The following GRM8 variants were observed in gnomAD, a reference collection of about 807,000 sequenced individuals.
GRM8 encodes the protein glutamate metabotropic receptor 8.
Under a neutral mutation model 87.2 loss-of-function variants are expected in GRM8, and 47 were observed. The observed-to-expected ratio is 0.54, with a 90% CI of 0.43 to 0.69. The LOEUF is 0.69. GRM8 is among the 30% of genes least tolerant of loss of function. The pLI, the probability that GRM8 is intolerant of heterozygous loss-of-function variation, is 0.00. For synonymous variants in GRM8, 396 were observed against 404.5 expected, an observed-to-expected ratio of 0.98 and a Z score of 0.25; for missense variants, 1,019 against 1,139.2, an observed-to-expected ratio of 0.89 and a Z score of 1.52.
rs1268890858 is a variant in GRM8 at position 126,714,319 on chromosome 7, AT to A, written c.1357+55545del. ...AATAATAATAATAATAATAATAATA[AT>A]AATAAATAGTATCTACCTACAAAGT... On this transcript the variant is annotated intron_variant, in intron 7 of 10. Transcript: ENST00000339582. Among the ~76,000 whole-genome samples, 59 of 148,234 alleles carry A rather than the reference AT, an allele frequency of 4.0e-4. No individual in the cohort carries two copies. In the East Asian group the frequency reaches 5.1e-3, roughly 13 times the overall value.
At chr7:126,560,436 G>A (rs1793581101) in intron 8 of GRM8, among the ~76,000 whole-genome samples, 1 of 151,982 alleles carries the variant, frequency 6.6e-6, no homozygotes, top group Non-Finnish European at 1.5e-5. Flanking sequence ...GCAGCAGGGG[G>A]GAATGCTTTT....
At chr7:126,854,756 C>T (rs73723512) in intron 6 of GRM8, among the ~76,000 whole-genome samples, 3,352 of 152,256 alleles carry the variant, frequency 0.022, 131 homozygotes, top group African/African-American at 0.077. Flanking sequence ...AAACCATTAC[C>T]TACCTTGCAT....
intron 3 of GRM8, among the ~76,000 whole-genome samples, chr7:127,050,255 G>A (rs1819333034): frequency 1.3e-5 from 2 of 152,134 alleles, no homozygotes; most frequent in Admixed American, 1.3e-4. Context: ...AGTCAACAGG[G>A]ACTGACTGTG....
At chr7:127,128,414 C>A in intron 2 of GRM8, among the ~76,000 whole-genome samples, 1 of 152,070 alleles carries the variant, frequency 6.6e-6, no homozygotes, top group South Asian at 2.1e-4. Flanking sequence ...CAAGCTGAGT[C>A]ATTTTATTTA....
chr7:126,861,175 A>G (rs750575927), intron 6 of GRM8, among the ~76,000 whole-genome samples: 21 of 152,098 alleles, frequency 1.4e-4, no homozygotes, highest in Non-Finnish European at 1.3e-4. Flanking sequence ...TTCCCTATCC[A>G]TATTTTTATT....
intron 9 of GRM8, among the ~76,000 whole-genome samples, chr7:126,516,657 C>A (rs747868857): frequency 2.0e-5 from 3 of 151,904 alleles, no homozygotes; most frequent in Non-Finnish European, 4.4e-5. Context: ...TTACATGGCA[C>A]CACTTTAAAT....
chr7:126,740,728 TTCC>T (rs1170617490), intron 7 of GRM8, among the ~76,000 whole-genome samples: 1 of 152,156 alleles, frequency 6.6e-6, no homozygotes, highest in African/African-American at 2.4e-5. Context: ...TGCTGAGAGA[TTCC>T]TCTTTCCACA....
At chr7:127,101,072 T>C (rs972277392) in intron 3 of GRM8, among the ~76,000 whole-genome samples, 2 of 152,204 alleles carry the variant, frequency 1.3e-5, no homozygotes, top group African/African-American at 4.8e-5. Context: ...CTGTTTATGG[T>C]ACCTGCCTTT....
chr7:126,925,356 T>A (rs2131389836), intron 3 of GRM8, among the ~76,000 whole-genome samples: 1 of 152,330 alleles, frequency 6.6e-6, no homozygotes, highest in East Asian at 1.9e-4. Flanking sequence ...GCTGCACATG[T>A]GTTCTATTAT....
At chr7:126,785,905 C>T (rs962786451) in intron 6 of GRM8, among the ~76,000 whole-genome samples, 2 of 152,098 alleles carry the variant, frequency 1.3e-5, no homozygotes, top group Non-Finnish European at 2.9e-5. Flanking sequence ...TTTAGCTGGA[C>T]ACAATCTTAT....
At chr7:126,591,998 T>G (rs766653321) in intron 8 of GRM8, among the ~76,000 whole-genome samples, 1 of 150,690 alleles carries the variant, frequency 6.6e-6, no homozygotes, top group Non-Finnish European at 1.5e-5. Flanking sequence ...ATAGAAAAAC[T>G]CAGAAAAAAA....
chr7:126,607,117 A>T (rs1466348142), intron 8 of GRM8, among the ~76,000 whole-genome samples: 1 of 152,186 alleles, frequency 6.6e-6, no homozygotes, highest in Non-Finnish European at 1.5e-5. Flanking sequence ...GTCCTCTTTC[A>T]AAAGGGCTTC....
intron 2 of GRM8, among the ~76,000 whole-genome samples, chr7:127,168,939 C>A (rs1239549071): frequency 6.6e-6 from 1 of 151,664 alleles, no homozygotes; most frequent in Non-Finnish European, 1.5e-5. Context: ...AGCAAACCAC[C>A]ATGGCACATG....
At chr7:127,077,911 G>T (rs148869139) in intron 3 of GRM8, among the ~76,000 whole-genome samples, 23 of 152,222 alleles carry the variant, frequency 1.5e-4, no homozygotes, top group African/African-American at 5.3e-4. Context: ...AGACATTTTT[G>T]GTTGTTTCAG....
intron 9 of GRM8, among the ~76,000 whole-genome samples, chr7:126,505,921 T>G (rs527457541): frequency 6.6e-6 from 1 of 152,162 alleles, no homozygotes; most frequent in African/African-American, 2.4e-5. Context: ...ATATTCACCA[T>G]GCTGTACATT....
At chr7:127,142,048 T>G (rs1289637678) in intron 2 of GRM8, among the ~76,000 whole-genome samples, 1 of 152,086 alleles carries the variant, frequency 6.6e-6, no homozygotes, top group Non-Finnish European at 1.5e-5. Flanking sequence ...AGTGGTGTGA[T>G]CATAGCTCAC....
chr7:126,477,575 GAA>G (rs769692714), intron 9 of GRM8, among the ~76,000 whole-genome samples: 9,141 of 87,822 alleles, frequency 0.1, 348 homozygotes, highest in African/African-American at 0.17. Flanking sequence ...AAGAAAGAAA[GAA>G]AGAGAGAAAG....
chr7:127,207,480 CAAT>C (rs1795977699), intron 2 of GRM8, among the ~76,000 whole-genome samples: 1 of 152,166 alleles, frequency 6.6e-6, no homozygotes, highest in African/African-American at 2.4e-5. Flanking sequence ...ACATAGATAA[CAAT>C]GATACTGAAC....
intron 3 of GRM8, among the ~76,000 whole-genome samples, chr7:126,942,633 G>A (rs916440027): frequency 3.3e-5 from 5 of 152,168 alleles, no homozygotes; most frequent in Non-Finnish European, 7.4e-5. Flanking sequence ...TGAGGAGTAT[G>A]TGAATGTCCT....
Sources: gnomAD v4.1 joint callset for allele counts (sites outside exome capture counted in the v4.1 genomes callset) on GRCh38, gnomAD v4.1.1 for gene constraint, MANE v1.5 for transcripts, NCBI Gene and HGNC (gene_info 2026-07-23, HGNC 2026-07-21) for gene names.